Variants in OR56A3 observed in about 807,000 individuals in gnomAD.
OR56A3 encodes the protein olfactory receptor family 56 subfamily A member 3, also known as olfactory receptor 56A3.
Under a neutral mutation model 17.5 loss-of-function variants are expected in OR56A3, and 23 were observed. That is an observed-to-expected ratio of 1.32 (90% CI 0.95 to 1.87). The LOEUF is 1.87. Ranked by LOEUF, OR56A3 falls within the 40% of genes most tolerant of loss-of-function variation. OR56A3 has a pLI of 0.00. For missense variants in OR56A3, 366 were observed against 380.1 expected, an observed-to-expected ratio of 0.96 and a Z score of 0.31; for synonymous variants, 175 against 150.6, an observed-to-expected ratio of 1.16 and a Z score of -1.19.
At chr11:6,002,521 C>A in the OR56A3 span, 2 of 1,614,222 alleles carry the variant, frequency 1.2e-6, no homozygotes, top group Non-Finnish European at 1.7e-6. Flanking sequence ...GGAAGAGAAA[C>A]AAAGGCATTC....
chr11:6,020,759 C>T, the OR56A3 span: 4 of 151,994 alleles, frequency 2.6e-5, no homozygotes, highest in Non-Finnish European at 5.9e-5. Context: ...CAAACAGAGA[C>T]AGTTTGACTT....
the OR56A3 span, chr11:6,001,523 G>A: frequency 6.6e-6 from 1 of 152,614 alleles, no homozygotes; most frequent in Non-Finnish European, 1.5e-5. Flanking sequence ...TGCCTCAGGT[G>A]CCATGGAAGA....
At chr11:5,994,102 C>A in the OR56A3 span, 1 of 490,684 alleles carries the variant, frequency 2.0e-6, no homozygotes, top group Non-Finnish European at 4.0e-6. Flanking sequence ...CTGGTGCTGC[C>A]TGTCTGCTTA....
At chr11:6,004,930 G>A in the OR56A3 span, among the ~76,000 whole-genome samples, 1 of 152,176 alleles carries the variant, frequency 6.6e-6, no homozygotes, top group Non-Finnish European at 1.5e-5. Flanking sequence ...TACCTAATTA[G>A]TAGAGAAAAT....
At chr11:5,986,941 T>C in the OR56A3 span, 1 of 1,609,896 alleles carries the variant, frequency 6.2e-7, no homozygotes. Flanking sequence ...GATTTCTGCA[T>C]TCCTGCTACA....
chr11:6,013,906 C>T, the OR56A3 span, among the ~76,000 whole-genome samples: 19 of 152,158 alleles, frequency 1.2e-4, no homozygotes, highest in African/African-American at 1.7e-4. Context: ...TGGAAGCAGA[C>T]GGATGCCCTG....
At chr11:5,961,174 G>T in the OR56A3 span, among the ~76,000 whole-genome samples, 1 of 149,906 alleles carries the variant, frequency 6.7e-6, no homozygotes, top group South Asian at 2.1e-4. Context: ...CTGGGAGGTG[G>T]GGGGCCCCTC....
At chr11:5,970,735 T>A in the OR56A3 span, among the ~76,000 whole-genome samples, 1 of 152,046 alleles carries the variant, frequency 6.6e-6, no homozygotes, top group African/African-American at 2.4e-5. Flanking sequence ...AACTACTATT[T>A]CCATTTAAAT....
chr11:6,002,166 G>T, the OR56A3 span: 4 of 1,614,180 alleles, frequency 2.5e-6, no homozygotes, highest in East Asian at 8.9e-5. Flanking sequence ...GAGCAGGATG[G>T]GGACATCTGG....
the OR56A3 span, among the ~76,000 whole-genome samples, chr11:5,984,388 G>A: frequency 4.4e-3 from 670 of 152,264 alleles, 3 homozygotes; most frequent in African/African-American, 0.015. Context: ...GTTTATTTCT[G>A]TTTCAGGTTC....
At chr11:5,998,643 G>T in the OR56A3 span, among the ~76,000 whole-genome samples, 1 of 152,190 alleles carries the variant, frequency 6.6e-6, no homozygotes, top group Non-Finnish European at 1.5e-5. Context: ...AAGAAGAAAA[G>T]TTGGACTAAA....
At chr11:6,004,706 A>G in the OR56A3 span, among the ~76,000 whole-genome samples, 1 of 152,332 alleles carries the variant, frequency 6.6e-6, no homozygotes, top group East Asian at 1.9e-4. Context: ...CTGATTAGGA[A>G]AATGACCCTC....
chr11:5,964,924 T>C, the OR56A3 span, among the ~76,000 whole-genome samples: 2 of 152,108 alleles, frequency 1.3e-5, no homozygotes, highest in Non-Finnish European at 2.9e-5. Context: ...TAAGGTAAAA[T>C]TGTCCTTCCT....
chr11:6,014,173 C>T, the OR56A3 span, among the ~76,000 whole-genome samples: 6 of 152,198 alleles, frequency 3.9e-5, no homozygotes, highest in Admixed American at 3.9e-4. Flanking sequence ...CCAGCAAAGC[C>T]TGAAGTCTTC....
chr11:5,986,335 T>C, the OR56A3 span: 19 of 1,613,908 alleles, frequency 1.2e-5, no homozygotes, highest in Non-Finnish European at 1.5e-5. Context: ...AACAGCCATA[T>C]GTTCACAATA....
chr11:5,972,375 G>A, the OR56A3 span, among the ~76,000 whole-genome samples: 6 of 152,090 alleles, frequency 3.9e-5, no homozygotes, highest in Non-Finnish European at 7.4e-5. Flanking sequence ...ATTAATATAA[G>A]CATGAGGAGA....
chr11:5,947,829 G>T lies in OR56A3; in HGVS notation c.483G>T (p.Leu161=), dbSNP rs749189750. ...FILTRNVLMT[L]PIPILSAQLR... is the part of the protein sequence containing the mutation. ...TGACCAGAAATGTGCTTATGACTCT[G>T]CCCATCCCCATCCTTTCAGCACAAC... The change falls in exon 3 of 3, where the codon CTG becomes CTT. Residue 161 remains leucine, a synonymous_variant. Transcript: ENST00000641160. The T allele has an allele frequency of 1.2e-6, 2 of 1,614,124 alleles. No homozygotes were observed. The highest frequency in any genetic ancestry group is 8.5e-7 in the Non-Finnish European group (1 of 1,180,024).
chr11:5,972,674 G>C, the OR56A3 span, among the ~76,000 whole-genome samples: 1 of 152,230 alleles, frequency 6.6e-6, no homozygotes, highest in Non-Finnish European at 1.5e-5. Flanking sequence ...TGAGAGCCAG[G>C]CTGGAGTGCG....
the OR56A3 span, chr11:5,968,321 CAG>C: frequency 6.2e-7 from 1 of 1,612,782 alleles, no homozygotes; most frequent in Non-Finnish European, 8.5e-7. Context: ...GGGGCTGGTG[CAG>C]AGAGGCTTCC....
Sources: gnomAD v4.1 joint callset for allele counts (sites outside exome capture counted in the v4.1 genomes callset) on GRCh38, gnomAD v4.1.1 for gene constraint, MANE v1.5 for transcripts, NCBI Gene and HGNC (gene_info 2026-07-23, HGNC 2026-07-21) for gene names.